HSD17B2: variants seen among roughly 807,000 people sequenced by gnomAD.
The protein encoded by HSD17B2 is 17-beta-hydroxysteroid dehydrogenase type 2.
In HSD17B2, 32 loss-of-function variants were observed where a neutral mutation model predicts 26.9. The ratio of observed to expected loss-of-function variants is 1.19; its 90% CI spans 0.90 to 1.60. HSD17B2 has a LOEUF of 1.60. HSD17B2 is among the 40% of genes most tolerant of loss of function. The probability of loss-of-function intolerance (pLI) is 0.00; values close to 1 mark genes in which losing one functional copy is unlikely to be tolerated. For missense variants in HSD17B2, 613 were observed against 468.6 expected, an observed-to-expected ratio of 1.31 and a Z score of -2.85; for synonymous variants, 246 against 186.7, an observed-to-expected ratio of 1.32 and a Z score of -2.59.
intron 3 of HSD17B2, among the ~76,000 whole-genome samples, chr16:82,082,825 T>C (rs960864055): frequency 1.3e-5 from 2 of 152,228 alleles, no homozygotes; most frequent in Non-Finnish European, 2.9e-5. Flanking sequence ...CTCAGGTATA[T>C]GACCCCAATA....
chr16:82,070,431 C>T (rs990249490), intron 2 of HSD17B2, among the ~76,000 whole-genome samples: 3 of 152,224 alleles, frequency 2.0e-5, no homozygotes, highest in African/African-American at 7.2e-5. Context: ...TCTTTCCTTC[C>T]CCATTACTTT....
At chr16:82,055,584 G>C (rs1302287187) in intron 1 of HSD17B2, among the ~76,000 whole-genome samples, 1 of 152,168 alleles carries the variant, frequency 6.6e-6, no homozygotes, top group Non-Finnish European at 1.5e-5. Flanking sequence ...AGCCCAAGTA[G>C]AATAGAAGGT....
chr16:82,071,601 C>T, intron 3 of HSD17B2: 1 of 273,320 alleles, frequency 3.7e-6, no homozygotes, highest in Non-Finnish European at 7.1e-6. Flanking sequence ...CAGTGTTGAG[C>T]AGCCTCAATC....
At chr16:82,064,422 G>C (rs1914523451) in intron 1 of HSD17B2, among the ~76,000 whole-genome samples, 1 of 152,032 alleles carries the variant, frequency 6.6e-6, no homozygotes, top group South Asian at 2.1e-4. Context: ...TGGATGTTTG[G>C]TTAGTTTCTT....
chr16:82,096,131 G>C lies in HSD17B2; in HGVS notation c.803-1944G>C, dbSNP rs147789239. 29 of 152,010 alleles carry C rather than the reference G, an allele frequency of 1.9e-4. 1 individual carries two copies. In the East Asian group the frequency reaches 5.6e-3, roughly 29 times the overall value. The allele number at this position is 152,010 out of a possible 1,614,324, so 9.4% of individuals were successfully genotyped here. A position where few individuals can be genotyped will look rare whatever the true frequency, so the allele number is the denominator to read the frequency against. On this transcript the variant is annotated intron_variant, in intron 4 of 4. Coordinates refer to ENST00000199936, the MANE Select transcript of HSD17B2 (RefSeq NM_002153.3). ...GTAGTTTGTGTATTAAAATTTATGT[G>C]TGAATTATATTAAAATTACACTTCA...
At chr16:82,056,118 G>C (rs896182990) in intron 1 of HSD17B2, among the ~76,000 whole-genome samples, 1 of 152,200 alleles carries the variant, frequency 6.6e-6, no homozygotes, top group Non-Finnish European at 1.5e-5. Flanking sequence ...GGCTGAGTGA[G>C]TTTTTGGTCA....
intron 4 of HSD17B2, chr16:82,094,290 T>C (rs1904775818): frequency 6.6e-6 from 1 of 152,236 alleles, no homozygotes; most frequent in South Asian, 2.1e-4. Context: ...TCATAGAGTT[T>C]TCCTGTCTTC....
intron 1 of HSD17B2, among the ~76,000 whole-genome samples, chr16:82,052,658 C>T (rs1914142274): frequency 1.3e-5 from 2 of 152,152 alleles, no homozygotes; most frequent in African/African-American, 2.4e-5. Flanking sequence ...AGGTCTTGCC[C>T]ATCTCTCTAT....
intron 1 of HSD17B2, among the ~76,000 whole-genome samples, chr16:82,038,607 T>A (rs34076692): frequency 0.014 from 2,197 of 152,284 alleles, 60 homozygotes; most frequent in African/African-American, 0.05. Flanking sequence ...ACGATTGTAA[T>A]AACATCTCAA....
At chr16:82,078,088 G>A (rs1904312217) in intron 3 of HSD17B2, among the ~76,000 whole-genome samples, 1 of 152,120 alleles carries the variant, frequency 6.6e-6, no homozygotes, top group Non-Finnish European at 1.5e-5. Flanking sequence ...ACAAAGTGAA[G>A]AGACAACCCA....
chr16:82,094,807 G>T (rs548152679), intron 4 of HSD17B2: 7 of 152,160 alleles, frequency 4.6e-5, no homozygotes, highest in Admixed American at 2.0e-4. Flanking sequence ...CAGATTTTAA[G>T]TGCTTTATGT....
chr16:82,077,685 C>G (rs1256961484), intron 3 of HSD17B2, among the ~76,000 whole-genome samples: 1 of 151,502 alleles, frequency 6.6e-6, no homozygotes, highest in East Asian at 1.9e-4. Flanking sequence ...AGACTGTGAT[C>G]ACACCATTGC....
chr16:82,054,791 G>T (rs145322253), intron 1 of HSD17B2, among the ~76,000 whole-genome samples: 1 of 152,294 alleles, frequency 6.6e-6, no homozygotes, highest in African/African-American at 2.4e-5. Flanking sequence ...TAGCAGAAAG[G>T]GAAGGGTGCT....
chr16:82,081,984 C>G (rs1054882799), intron 3 of HSD17B2, among the ~76,000 whole-genome samples: 1 of 152,176 alleles, frequency 6.6e-6, no homozygotes, highest in African/African-American at 2.4e-5. Flanking sequence ...CCTCAGCAAC[C>G]TAACGCAGGA....
At chr16:82,092,169 T>C (rs1485221780) in intron 4 of HSD17B2, 1 of 152,212 alleles carries the variant, frequency 6.6e-6, no homozygotes, top group Non-Finnish European at 1.5e-5. Flanking sequence ...TAACATTTAT[T>C]AGTCTTTTGC....
chr16:82,068,338 T>C lies in HSD17B2; in HGVS notation c.434T>C (p.Ile145Thr), dbSNP rs778816731. ...LQMDITKPVQIKDAYSKVAAM... is the reference protein window; with the variant it reads ...LQMDITKPVQTKDAYSKVAAM... ...ATGGACATCACGAAGCCAGTGCAGA[T>C]AAAAGATGCTTACAGCAAGGTTGCA... is the stretch of plus-strand genomic sequence containing the variant. Residue 145 changes from isoleucine (I) to threonine (T), a missense_variant, in exon 2 of 5, where the codon ATA (isoleucine) becomes ACA (threonine). Transcript: ENST00000199936. 4 of 1,613,646 alleles carry C rather than the reference T, an allele frequency of 2.5e-6. No individual in the cohort carries two copies. Among genetic ancestry groups the C allele is most frequent in the African/African-American group, 2.7e-5 (2 of 74,904 alleles).
intron 1 of HSD17B2, among the ~76,000 whole-genome samples, chr16:82,052,834 C>T (rs150914194): frequency 2.7e-4 from 41 of 152,314 alleles, no homozygotes; most frequent in Admixed American, 9.2e-4. Flanking sequence ...TGCCTTAAAA[C>T]AGCAGAAATT....
intron 1 of HSD17B2, among the ~76,000 whole-genome samples, chr16:82,036,320 T>TTGTGTGTGTG (rs10609893): frequency 3.4e-4 from 50 of 145,886 alleles, no homozygotes; most frequent in African/African-American, 1.1e-3. Context: ...TTTCCCTTGT[T>TTGTGTGTGTG]TGTGTGTGTG....
At chr16:82,079,056 A>G (rs922304690) in intron 3 of HSD17B2, among the ~76,000 whole-genome samples, 1 of 152,260 alleles carries the variant, frequency 6.6e-6, no homozygotes, top group African/African-American at 2.4e-5. Context: ...ACAAAGGATA[A>G]ATGCTTAAGG....
Sources: gnomAD v4.1 joint callset for allele counts (sites outside exome capture counted in the v4.1 genomes callset) on GRCh38, gnomAD v4.1.1 for gene constraint, MANE v1.5 for transcripts, NCBI Gene and HGNC (gene_info 2026-07-23, HGNC 2026-07-21) for gene names.